The following ANO3 variants were observed in gnomAD, a reference collection of about 807,000 sequenced individuals.
ANO3 encodes anoctamin-3.
ANO3 carries 99 observed loss-of-function variants against 144.8 expected under a neutral mutation model. The observed-to-expected ratio is 0.68, with a 90% CI of 0.58 to 0.81. The LOEUF (loss-of-function observed/expected upper bound fraction) is 0.81, where lower values mean the gene tolerates loss of function less well. ANO3 is among the 30% of genes least tolerant of loss of function. ANO3 has a pLI of 0.00. For missense variants in ANO3, 905 were observed against 1,202.2 expected (o/e 0.75, Z 3.66); for synonymous variants, 414 against 392.6 (o/e 1.05, Z -0.64).
chr11:26,455,894 G>T (rs992423874), intron 3 of ANO3, among the ~76,000 whole-genome samples: 4 of 151,750 alleles, frequency 2.6e-5, no homozygotes, highest in African/African-American at 9.7e-5. Flanking sequence ...CAATGGAACA[G>T]AACAGAGCCC....
At chr11:26,294,518 T>C (rs189261194) in intron 1 of ANO3, among the ~76,000 whole-genome samples, 289 of 152,316 alleles carry the variant, frequency 1.9e-3, no homozygotes, top group African/African-American at 5.6e-3. Context: ...ATTCTAGATA[T>C]CATGATTGCT....
chr11:26,330,512 A>G (rs1291109579), upstream of ANO3, among the ~76,000 whole-genome samples: 1 of 152,162 alleles, frequency 6.6e-6, no homozygotes, highest in Non-Finnish European at 1.5e-5. Flanking sequence ...ATTATGATAC[A>G]TTAAAGAAGG....
In ANO3 at chr11:26,320,602, T is replaced by C. The variant is rs146696025; in HGVS notation, c.-3+10883T>C. ...TATTTGCAATTTATTAATTTCTTGG[T>C]TGTCTAATAGTTTACTTTTATATTA... On this transcript the variant is annotated intron_variant, in intron 1 of 26. Transcript: ENST00000525139. 3.2e-4 allele frequency among the ~76,000 whole-genome samples: 48 copies of C among 152,318 alleles called. No individual in the cohort carries two copies. The East Asian group carries it at 8.5e-3, about 27-fold the overall frequency.
In ANO3 at chr11:26,430,959, G is replaced by A. The variant is rs117430546; in HGVS notation, c.47-10959G>A. 8.0e-3 allele frequency among the ~76,000 whole-genome samples: 1,223 copies of A among 152,190 alleles called. 9 individuals carry two copies. Among genetic ancestry groups the A allele is most frequent in the Non-Finnish European group, 0.012 (792 of 68,016 alleles). The stretch of plus-strand genomic sequence containing the variant: ...GAGAATCTACCAAACTTTAAGGATC[G>A]GATAGTTTCAATGCTAATTGACTTG... On this transcript the variant is annotated intron_variant, in intron 1 of 26. Transcript: ENST00000256737.
chr11:26,472,293 TTAA>T lies in ANO3; in HGVS notation c.432+9156_432+9158del, dbSNP rs145147372. ...GAACACTGGATTGGAAGTTTCAATA[TTAA>T]TAATAATAATGTTAAATGATTACAA... On this transcript the variant is annotated intron_variant, in intron 4 of 26. Transcript: ENST00000256737. 2.4e-4 allele frequency among the ~76,000 whole-genome samples: 37 copies of T among 152,046 alleles called. 2 individuals carry two copies. The East Asian group carries it at 6.6e-3, about 27-fold the overall frequency.
intron 1 of ANO3, among the ~76,000 whole-genome samples, chr11:26,319,470 T>G (rs1231460022): frequency 6.6e-6 from 1 of 152,222 alleles, no homozygotes; most frequent in Non-Finnish European, 1.5e-5. Flanking sequence ...CGTTGGGTAT[T>G]AATTTTGTCT....
chr11:26,234,344 G>C (rs1852468295), intron 1 of ANO3, among the ~76,000 whole-genome samples: 1 of 152,012 alleles, frequency 6.6e-6, no homozygotes, highest in Non-Finnish European at 1.5e-5. Flanking sequence ...TAAATACTTA[G>C]ATATGCCATA....
chr11:26,461,439 C>G (rs754408115), intron 3 of ANO3, among the ~76,000 whole-genome samples: 1 of 152,032 alleles, frequency 6.6e-6, no homozygotes, highest in Admixed American at 6.6e-5. Flanking sequence ...ACCCCCCACT[C>G]CTTTCACACC....
At chr11:26,609,336 A>AT (rs370095237) in intron 17 of ANO3, among the ~76,000 whole-genome samples, 1 of 77,388 alleles carries the variant, frequency 1.3e-5, no homozygotes, top group African/African-American at 4.0e-5. Context: ...CACATGCAGG[A>AT]TCACATGCAG....
At chr11:26,292,515 T>G (rs1379645844) in intron 1 of ANO3, among the ~76,000 whole-genome samples, 1 of 152,190 alleles carries the variant, frequency 6.6e-6, no homozygotes, top group Non-Finnish European at 1.5e-5. Context: ...AATTTTCAGC[T>G]TTTCCGCTCT....
At chr11:26,326,794 G>C (rs1261203243) in intron 1 of ANO3, among the ~76,000 whole-genome samples, 1 of 152,164 alleles carries the variant, frequency 6.6e-6, no homozygotes, top group Non-Finnish European at 1.5e-5. Context: ...TTAGCAACAA[G>C]TAACTAGTAC....
chr11:26,565,337 T>C (rs777026574), intron 14 of ANO3: 6 of 1,612,194 alleles, frequency 3.7e-6, no homozygotes, highest in Non-Finnish European at 5.1e-6. Flanking sequence ...GAGAAGTTGG[T>C]TCTGAAGAGA....
chr11:26,521,741 A>G (rs1862085119), intron 6 of ANO3, among the ~76,000 whole-genome samples: 1 of 152,068 alleles, frequency 6.6e-6, no homozygotes, highest in Non-Finnish European at 1.5e-5. Context: ...TACCTCTCAC[A>G]CATAAGAGAG....
At chr11:26,657,686 AT>A (rs1853734072) in intron 26 of ANO3, among the ~76,000 whole-genome samples, 1 of 151,842 alleles carries the variant, frequency 6.6e-6, no homozygotes, top group Non-Finnish European at 1.5e-5. Context: ...TACAAAAAAA[AT>A]ACATAGTATT....
intron 17 of ANO3, among the ~76,000 whole-genome samples, chr11:26,623,183 T>A (rs1852472115): frequency 6.6e-6 from 1 of 152,232 alleles, no homozygotes; most frequent in South Asian, 2.1e-4. Flanking sequence ...TGTCTCCAGA[T>A]AACACTTTAA....
rs1395773555 is a variant in ANO3, at chr11:26,265,290, A to G, written c.155-44355A>G. Among the ~76,000 whole-genome samples the G allele has an allele frequency of 3.3e-5, 5 of 152,262 alleles. 1 individual carries two copies. The South Asian group carries it at 8.3e-4, about 25-fold the overall frequency. On this transcript the variant is annotated intron_variant, in intron 1 of 27. Transcript: ENST00000672621. ...GTCCTTCTTTAGCAGCTGGATATGT[A>G]TCAGACCCAGTAGGGTTATCACCTG...
intron 1 of ANO3, among the ~76,000 whole-genome samples, chr11:26,279,393 A>G (rs1234765706): frequency 6.6e-6 from 1 of 152,218 alleles, no homozygotes; most frequent in Non-Finnish European, 1.5e-5. Flanking sequence ...CATGAAGTGA[A>G]AGTTTGTCCT....
At chr11:26,438,964 T>A (rs1323947093) in intron 1 of ANO3, among the ~76,000 whole-genome samples, 1 of 152,124 alleles carries the variant, frequency 6.6e-6, no homozygotes, top group Admixed American at 6.5e-5. Flanking sequence ...CTAAAGACGT[T>A]GTGGTTTTGG....
chr11:26,647,210 G>T (rs1853373631), intron 23 of ANO3, among the ~76,000 whole-genome samples: 1 of 152,130 alleles, frequency 6.6e-6, no homozygotes, highest in Non-Finnish European at 1.5e-5. Flanking sequence ...CTCCTAGGAA[G>T]TAAAAAATGT....
Sources: gnomAD v4.1 joint callset for allele counts (sites outside exome capture counted in the v4.1 genomes callset) on GRCh38, gnomAD v4.1.1 for gene constraint, MANE v1.5 for transcripts, NCBI Gene and HGNC (gene_info 2026-07-23, HGNC 2026-07-21) for gene names.